The following MEI4 variants were observed in gnomAD, a reference collection of about 807,000 sequenced individuals.
MEI4 encodes meiotic double-stranded break formation protein 4.
A neutral mutation model predicts 31.4 loss-of-function variants in MEI4; 27 were observed. The observed-to-expected ratio is 0.86, with a 90% CI of 0.63 to 1.19. MEI4 has a LOEUF of 1.19. Among genes scored for constraint, MEI4 ranks in the 50% most tolerant of loss-of-function variants. The pLI is 0.00. For missense variants in MEI4, 329 were observed against 398.9 expected (o/e 0.82, Z 1.49); for synonymous variants, 122 against 145.4 (o/e 0.84, Z 1.16).
chr6:77,799,727 C>T (rs1009026170), intron 3 of MEI4, among the ~76,000 whole-genome samples: 2 of 152,084 alleles, frequency 1.3e-5, no homozygotes, highest in Admixed American at 1.3e-4. Flanking sequence ...GCCAGTTTTC[C>T]CAGCACCATT....
intron 3 of MEI4, among the ~76,000 whole-genome samples, chr6:77,764,804 G>A (rs980085193): frequency 6.6e-6 from 1 of 152,012 alleles, no homozygotes; most frequent in Non-Finnish European, 1.5e-5. Context: ...ACAACAATAG[G>A]TAAAATGGTA....
intron 3 of MEI4, among the ~76,000 whole-genome samples, chr6:77,800,479 C>A (rs1014135314): frequency 1.3e-5 from 2 of 152,178 alleles, no homozygotes; most frequent in African/African-American, 2.4e-5. Flanking sequence ...TAATTGAATA[C>A]CCTTTGTTTC....
chr6:77,838,965 TAAAG>T (rs1252533102), intron 4 of MEI4, among the ~76,000 whole-genome samples: 1 of 152,074 alleles, frequency 6.6e-6, no homozygotes, highest in East Asian at 1.9e-4. Flanking sequence ...TGTGAATTGT[TAAAG>T]AAGTCAAAAT....
At chr6:77,803,407 A>T (rs371698446) in intron 3 of MEI4, among the ~76,000 whole-genome samples, 1 of 151,974 alleles carries the variant, frequency 6.6e-6, no homozygotes, top group Non-Finnish European at 1.5e-5. Flanking sequence ...CTTCCTTGCC[A>T]TGGGTTTGAA....
chr6:77,705,723 TTTC>T (rs529650367), intron 2 of MEI4, among the ~76,000 whole-genome samples: 317 of 152,334 alleles, frequency 2.1e-3, no homozygotes, highest in African/African-American at 6.9e-3. Flanking sequence ...TTATTACATT[TTTC>T]TTATATTACA....
chr6:77,876,080 C>T (rs149384663), intron 4 of MEI4, among the ~76,000 whole-genome samples: 338 of 152,284 alleles, frequency 2.2e-3, no homozygotes, highest in African/African-American at 7.4e-3. Context: ...GTGAGAACCT[C>T]AGCTCTATCA....
chr6:77,899,810 T>C (rs1032714382), intron 4 of MEI4, among the ~76,000 whole-genome samples: 1 of 152,062 alleles, frequency 6.6e-6, no homozygotes, highest in Non-Finnish European at 1.5e-5. Context: ...ATTCATTCAT[T>C]ATTAGATATG....
intron 2 of MEI4, 130 bp downstream of exon 2, chr6:77,691,033 T>G: frequency 2.3e-6 from 1 of 434,734 alleles, no homozygotes; most frequent in Non-Finnish European, 3.8e-6. Flanking sequence ...CTTCTAGCCT[T>G]ATACATTTTT....
chr6:77,838,295 C>T (rs1165349929), intron 4 of MEI4, among the ~76,000 whole-genome samples: 1 of 151,770 alleles, frequency 6.6e-6, no homozygotes, highest in Non-Finnish European at 1.5e-5. Flanking sequence ...TCATCATCCT[C>T]TCAACATAAA....
At chr6:77,900,335 G>GGT (rs752543613) in intron 4 of MEI4, among the ~76,000 whole-genome samples, 16 of 151,398 alleles carry the variant, frequency 1.1e-4, no homozygotes, top group Non-Finnish European at 2.2e-4. Flanking sequence ...CTCATTACTG[G>GGT]GTATATATAT....
intron 2 of MEI4, among the ~76,000 whole-genome samples, chr6:77,730,102 GAGA>G (rs1388806954): frequency 1.3e-5 from 2 of 152,148 alleles, no homozygotes; most frequent in Non-Finnish European, 2.9e-5. Context: ...CAAGGAGAGA[GAGA>G]AGATCTGTGA....
intron 3 of MEI4, among the ~76,000 whole-genome samples, chr6:77,818,165 C>A (rs1390878113): frequency 6.6e-6 from 1 of 151,982 alleles, no homozygotes; most frequent in African/African-American, 2.4e-5. Flanking sequence ...TACATTGCTG[C>A]CTAGCCTGTT....
At chr6:77,775,877 G>A (rs771958833) in intron 3 of MEI4, among the ~76,000 whole-genome samples, 2 of 151,950 alleles carry the variant, frequency 1.3e-5, no homozygotes, top group African/African-American at 2.4e-5. Context: ...TCTATTTTTC[G>A]GCCATTCTTG....
intron 2 of MEI4, among the ~76,000 whole-genome samples, chr6:77,699,924 C>T (rs373914693): frequency 2.0e-5 from 3 of 151,522 alleles, no homozygotes; most frequent in East Asian, 1.9e-4. Flanking sequence ...TTTGGTGACC[C>T]GCAAATGCTG....
intron 3 of MEI4, among the ~76,000 whole-genome samples, chr6:77,762,418 A>G (rs1768066490): frequency 6.6e-6 from 1 of 152,148 alleles, no homozygotes. Flanking sequence ...GCCTTCTTTA[A>G]TATCTGATCC....
At chr6:77,714,785 G>T (rs545097432) in intron 2 of MEI4, among the ~76,000 whole-genome samples, 1 of 152,026 alleles carries the variant, frequency 6.6e-6, no homozygotes, top group African/African-American at 2.4e-5. Flanking sequence ...GCTTCTTCCT[G>T]GTGTGAAAGA....
chr6:77,914,798 G>C (rs1766506393), intron 4 of MEI4, among the ~76,000 whole-genome samples: 1 of 151,828 alleles, frequency 6.6e-6, no homozygotes. Flanking sequence ...CTATCTTCGT[G>C]GTGTATTGTA....
At chr6:77,750,686 C>A (rs1561974093) in intron 2 of MEI4, among the ~76,000 whole-genome samples, 1 of 152,044 alleles carries the variant, frequency 6.6e-6, no homozygotes, top group South Asian at 2.1e-4. Context: ...CTTCAACACC[C>A]CACTGTCAAC....
intron 2 of MEI4, among the ~76,000 whole-genome samples, chr6:77,748,097 CA>C (rs1193764240): frequency 6.6e-6 from 1 of 152,196 alleles, no homozygotes; most frequent in Non-Finnish European, 1.5e-5. Context: ...ATGGCTTTTC[CA>C]GGCACACAGT....
Sources: gnomAD v4.1 joint callset for allele counts (sites outside exome capture counted in the v4.1 genomes callset) on GRCh38, gnomAD v4.1.1 for gene constraint, MANE v1.5 for transcripts, NCBI Gene and HGNC (gene_info 2026-07-23, HGNC 2026-07-21) for gene names.